SUMF1: variants seen among roughly 807,000 people sequenced by gnomAD.
SUMF1 encodes sulfatase modifying factor 1.
Under a neutral mutation model 47.6 loss-of-function variants are expected in SUMF1, and 48 were observed. That is an observed-to-expected ratio of 1.01 (90% CI 0.80 to 1.28). The LOEUF (loss-of-function observed/expected upper bound fraction) is 1.28, where lower values mean the gene tolerates loss of function less well. Ranked by LOEUF, SUMF1 falls within the 50% of genes most tolerant of loss-of-function variation. The pLI, the probability that SUMF1 is intolerant of heterozygous loss-of-function variation, is 0.00. For missense variants in SUMF1, 571 were observed against 485.4 expected (o/e 1.18, Z -1.66); for synonymous variants, 230 against 192.1 (o/e 1.20, Z -1.63).
chr3:4,368,293 T>C (rs1208976936), intron 8 of SUMF1, among the ~76,000 whole-genome samples: 1 of 152,132 alleles, frequency 6.6e-6, no homozygotes, highest in East Asian at 1.9e-4. Flanking sequence ...TGAGATATCA[T>C]CTCACACCAG....
intron 8 of SUMF1, among the ~76,000 whole-genome samples, chr3:4,268,349 G>A (rs1697239551): frequency 6.6e-6 from 1 of 151,914 alleles, no homozygotes; most frequent in Admixed American, 6.6e-5. Context: ...CAAGTTAGTG[G>A]GTGCAGCGCA....
chr3:4,442,628 AG>A (rs1702639772), intron 3 of SUMF1, among the ~76,000 whole-genome samples: 1 of 31,516 alleles, frequency 3.2e-5, no homozygotes, highest in South Asian at 7.5e-4. Flanking sequence ...GAGGGACAAG[AG>A]AGAAAAAGGA....
chr3:4,046,736 T>G (rs1695014103), intron 9 of SUMF1, among the ~76,000 whole-genome samples: 1 of 152,180 alleles, frequency 6.6e-6, no homozygotes, highest in African/African-American at 2.4e-5. Flanking sequence ...ATTAGACTAT[T>G]GAAATAAAAT....
intron 9 of SUMF1, among the ~76,000 whole-genome samples, chr3:4,066,639 C>T (rs542969263): frequency 6.6e-6 from 1 of 152,216 alleles, no homozygotes; most frequent in East Asian, 1.9e-4. Flanking sequence ...TTCTAAATTC[C>T]TTCCTGCTAT....
At chr3:4,198,989 A>G (rs993158555) in intron 8 of SUMF1, among the ~76,000 whole-genome samples, 3 of 152,162 alleles carry the variant, frequency 2.0e-5, no homozygotes, top group Admixed American at 6.6e-5. Flanking sequence ...TTCTCATTTA[A>G]CAACTTTTTA....
At chr3:4,042,967 T>A (rs1441116343) in intron 9 of SUMF1, among the ~76,000 whole-genome samples, 3 of 152,158 alleles carry the variant, frequency 2.0e-5, no homozygotes, top group Non-Finnish European at 4.4e-5. Flanking sequence ...AATCATTCAC[T>A]GCCCTTCTCC....
Position 4,074,187 on chromosome 3 carries a change from A to G in SUMF1, c.1015-5442T>C, listed in dbSNP as rs563312118. Among the ~76,000 whole-genome samples, 330 of 152,266 alleles carry G rather than the reference A, an allele frequency of 2.2e-3. 4 individuals carry two copies. The highest frequency in any genetic ancestry group is 7.3e-3 in the African/African-American group (304 of 41,514). On this transcript the variant is annotated intron_variant and NMD_transcript_variant, in intron 8 of 12. Transcript: ENST00000448413. The stretch of plus-strand genomic sequence containing the variant: ...ATTAGAACTCTGGATTAAGAAACTC[A>G]CTCAAAACTGCATGACTACATGGAA...
At chr3:4,393,487 C>A (rs1318900111) in intron 7 of SUMF1, among the ~76,000 whole-genome samples, 1 of 152,040 alleles carries the variant, frequency 6.6e-6, no homozygotes, top group Non-Finnish European at 1.5e-5. Flanking sequence ...CATATGCCAC[C>A]ACACTCGCCT....
intron 9 of SUMF1, among the ~76,000 whole-genome samples, chr3:4,062,419 C>G (rs369270928): frequency 1.7e-4 from 26 of 152,274 alleles, no homozygotes; most frequent in African/African-American, 6.0e-4. Context: ...AGTTACCTTA[C>G]AAAGTGCAGC....
At chr3:4,081,391 T>C (rs2125045322) in intron 8 of SUMF1, among the ~76,000 whole-genome samples, 1 of 152,252 alleles carries the variant, frequency 6.6e-6, no homozygotes, top group South Asian at 2.1e-4. Context: ...TGTCATATTC[T>C]CATTGGCTGG....
intron 8 of SUMF1, among the ~76,000 whole-genome samples, chr3:4,295,954 T>C (rs1697841515): frequency 6.6e-6 from 1 of 152,222 alleles, no homozygotes; most frequent in Non-Finnish European, 1.5e-5. Flanking sequence ...TTTTTTATTC[T>C]GCTGAAAACA....
chr3:4,040,181 T>G (rs979328218), intron 9 of SUMF1, among the ~76,000 whole-genome samples: 1 of 152,208 alleles, frequency 6.6e-6, no homozygotes, highest in Non-Finnish European at 1.5e-5. Flanking sequence ...AACATCATTT[T>G]GTACTCCTTA....
At chr3:4,246,414 T>C (rs1379848789) in intron 8 of SUMF1, among the ~76,000 whole-genome samples, 2 of 151,974 alleles carry the variant, frequency 1.3e-5, no homozygotes, top group Non-Finnish European at 1.5e-5. Flanking sequence ...GTTTTTGTTT[T>C]TGTTTTTGAC....
At chr3:4,414,054 G>A (rs1045366296) in intron 6 of SUMF1, among the ~76,000 whole-genome samples, 3 of 152,074 alleles carry the variant, frequency 2.0e-5, no homozygotes, top group African/African-American at 4.8e-5. Context: ...TAGTAGAGAC[G>A]GGGTTTCACT....
chr3:4,264,649 C>A (rs982877839), intron 8 of SUMF1, among the ~76,000 whole-genome samples: 1 of 152,162 alleles, frequency 6.6e-6, no homozygotes, highest in African/African-American at 2.4e-5. Context: ...TTTAGGTTTT[C>A]CATCAAGTCT....
At chr3:4,264,208 G>T (rs371803476) in intron 8 of SUMF1, among the ~76,000 whole-genome samples, 5 of 152,132 alleles carry the variant, frequency 3.3e-5, no homozygotes, top group Admixed American at 3.3e-4. Flanking sequence ...AGGCAGCCAG[G>T]ATACAACCCA....
chr3:4,360,268 T>G (rs1699717441), downstream of SUMF1, among the ~76,000 whole-genome samples: 1 of 144,572 alleles, frequency 6.9e-6, no homozygotes, highest in African/African-American at 2.7e-5. Context: ...AGAGAAACAT[T>G]TGATATCTAC....
At chr3:4,080,462 CT>C (rs1163851315) in intron 8 of SUMF1, among the ~76,000 whole-genome samples, 1 of 151,912 alleles carries the variant, frequency 6.6e-6, no homozygotes, top group Non-Finnish European at 1.5e-5. Context: ...ACCAACTCTT[CT>C]TTTTTTTAAT....
At chr3:4,393,396 A>G (rs961134697) in intron 7 of SUMF1, among the ~76,000 whole-genome samples, 2 of 152,132 alleles carry the variant, frequency 1.3e-5, no homozygotes, top group Admixed American at 6.5e-5. Context: ...GCAGTGGTGC[A>G]ATCATAGCTC....
Sources: allele counts gnomAD v4.1 joint callset (sites outside exome capture counted in the v4.1 genomes callset), GRCh38; gene constraint gnomAD v4.1.1; transcripts MANE v1.5; gene names NCBI Gene and HGNC (gene_info 2026-07-23, HGNC 2026-07-21).